Variants in ZMYM1 observed in about 807,000 individuals in gnomAD.
ZMYM1 encodes zinc finger MYM-type containing 1.
ZMYM1 carries 39 observed loss-of-function variants against 60.0 expected under a neutral mutation model. That is an observed-to-expected ratio of 0.65 (90% CI 0.50 to 0.85). ZMYM1 has a LOEUF of 0.85. Among genes scored for constraint, ZMYM1 ranks in the 40% least tolerant of loss-of-function variants. The pLI, the probability that ZMYM1 is intolerant of heterozygous loss-of-function variation, is 0.00. For missense variants in ZMYM1, 1,171 were observed against 1,309.5 expected (o/e 0.89, Z 1.63); for synonymous variants, 413 against 454.0 (o/e 0.91, Z 1.15).
At chr1:35,066,821 G>C (rs775586759) in intron 1 of ZMYM1, among the ~76,000 whole-genome samples, 2 of 152,006 alleles carry the variant, frequency 1.3e-5, no homozygotes, top group Non-Finnish European at 2.9e-5. Flanking sequence ...TTCAAGGCCA[G>C]CCTGGGCAAC....
rs1275223803 is a variant in ZMYM1 at position 35,115,155 on chromosome 1, C to A, written c.3325C>A (p.Pro1109Thr). Residue 1109 changes from proline to threonine, a missense_variant, in exon 10 of 10, where the codon CCA (proline) becomes ACA (threonine). Pro to Thr is a conservative substitution (Grantham distance 38). Transcript: ENST00000359858. ...NTMGQEKLTG[P>T]ALMAVEQELV... ...CATGGGACAAGAGAAGCTTACTGGC[C>A]CAGCCCTAATGGCTGTTGAGCAGGA... 6.2e-7 allele frequency: 1 copy of A among 1,614,012 alleles called. No individual in the cohort carries two copies. The highest frequency in any genetic ancestry group is 8.5e-7 in the Non-Finnish European group (1 of 1,179,962).
chr1:35,094,621 A>G (rs1643210552), intron 2 of ZMYM1, among the ~76,000 whole-genome samples: 1 of 152,186 alleles, frequency 6.6e-6, no homozygotes, highest in African/African-American at 2.4e-5. Context: ...TTGGGAGGCC[A>G]AGGTGGGAGG....
At chr1:35,066,384 G>A (rs1641972450) in intron 1 of ZMYM1, among the ~76,000 whole-genome samples, 1 of 152,164 alleles carries the variant, frequency 6.6e-6, no homozygotes, top group South Asian at 2.1e-4. Flanking sequence ...TTTTAGTAGA[G>A]ATGGGGTTTC....
intron 3 of ZMYM1, among the ~76,000 whole-genome samples, chr1:35,096,843 G>A (rs768900490): frequency 6.6e-6 from 1 of 152,156 alleles, no homozygotes; most frequent in African/African-American, 2.4e-5. Context: ...GGGACTACAG[G>A]CATGTGTCAC....
At chr1:35,070,975 CT>C (rs1642057066) in intron 1 of ZMYM1, among the ~76,000 whole-genome samples, 1 of 152,118 alleles carries the variant, frequency 6.6e-6, no homozygotes, top group Admixed American at 6.5e-5. Context: ...ACCTCCACCT[CT>C]CAGGTTGAAG....
intron 1 of ZMYM1, among the ~76,000 whole-genome samples, chr1:35,080,695 C>G (rs1475437063): frequency 6.6e-6 from 1 of 151,936 alleles, no homozygotes; most frequent in Non-Finnish European, 1.5e-5. Context: ...AAACCCAGCT[C>G]AAATTTCACC....
rs777210640 is a variant in ZMYM1 at position 35,114,730 on chromosome 1, T to C, written c.2900T>C (p.Ile967Thr). The part of the protein sequence containing the change: ...TSTEEQYKIN[I>T]YYQGLDTILQ... ...ACAGAAGAACAATATAAAATTAATATCTATTACCAAGGATTAGATACTATA... is the reference window on the plus strand; with the variant it reads ...ACAGAAGAACAATATAAAATTAATACCTATTACCAAGGATTAGATACTATA... The change falls in exon 10 of 10, where the codon ATC becomes ACC. Residue 967 changes from isoleucine (I) to threonine (T), a missense_variant. By Grantham distance (89) the Ile-to-Thr change is moderately conservative (BLOSUM62 -1). Coordinates refer to ENST00000359858, the MANE Select transcript of ZMYM1 (RefSeq NM_024772.5). The C allele has an allele frequency of 1.3e-6, 2 of 1,574,684 alleles. No homozygotes were observed. Among genetic ancestry groups the C allele is most frequent in the Non-Finnish European group, 1.7e-6 (2 of 1,161,082 alleles).
In ZMYM1 at chr1:35,104,693, G is replaced by C. The variant is rs1228593752; in HGVS notation, c.731G>C (p.Ser244Thr). Residue 244 changes from serine to threonine, a missense_variant, in exon 6 of 10, where the codon AGT (serine) becomes ACT (threonine). Ser to Thr is a moderately conservative substitution (Grantham distance 58). Transcript: ENST00000359858. ...NCGTYCYTSS[S>T]LSHILQMEGQ... is the part of the protein sequence containing the mutation. ...GGCACTTACTGTTACACCAGCTCTA[G>C]TCTGTCCCACATACTTCAGATGGAA... is the stretch of plus-strand genomic sequence containing the variant. The C allele has an allele frequency of 6.2e-7, 1 of 1,614,182 alleles. No individual in the cohort carries two copies. Among genetic ancestry groups the C allele is most frequent in the Non-Finnish European group, 8.5e-7 (1 of 1,180,032 alleles).
chr1:35,076,565 G>A (rs1048704796), upstream of ZMYM1, among the ~76,000 whole-genome samples: 1 of 152,012 alleles, frequency 6.6e-6, no homozygotes, highest in Admixed American at 6.6e-5. Flanking sequence ...AGGTTGCGGT[G>A]AGCCAAGATT....
rs1017567995 is a variant in ZMYM1 at position 35,113,150 on chromosome 1, A to G, written c.1320A>G (p.Pro440=). 4.3e-6 allele frequency: 7 copies of G among 1,613,806 alleles called. No homozygotes were observed. Among genetic ancestry groups the G allele is most frequent in the Admixed American group, 1.7e-5 (1 of 59,964 alleles). ...SMKISDELCH[P]KCTSKVQKVK... Reference sequence around the variant, plus strand: ...AAATAAGTGATGAACTATGTCACCCAAAATGTACATCCAAAGTACAAAAAG... The same window carrying G: ...AAATAAGTGATGAACTATGTCACCCGAAATGTACATCCAAAGTACAAAAAG... The change falls in exon 10 of 10, where the codon CCA becomes CCG. Residue 440 remains proline, a synonymous_variant. Coordinates refer to ENST00000359858, the MANE Select transcript of ZMYM1 (RefSeq NM_024772.5).
At chr1:35,080,314 C>CTTTTT (rs35214559) in intron 1 of ZMYM1, among the ~76,000 whole-genome samples, 45 of 125,512 alleles carry the variant, frequency 3.6e-4, no homozygotes, top group African/African-American at 1.4e-3. Flanking sequence ...ATTTGTGCTT[C>CTTTTT]TTTTTTTTTT....
intron 6 of ZMYM1, among the ~76,000 whole-genome samples, chr1:35,105,119 TTTC>T: frequency 1.3e-5 from 2 of 149,090 alleles, no homozygotes; most frequent in African/African-American, 5.0e-5. Context: ...ATTTATTTTA[TTTC>T]TTTCTTTTTT....
In ZMYM1 at chr1:35,097,370, A is replaced by G. The variant is rs778400495; in HGVS notation, c.223A>G (p.Lys75Glu). Residue 75 changes from lysine (K) to glutamate (E), a missense_variant, in exon 4 of 10, where the codon AAA (lysine) becomes GAA (glutamate). Physicochemically the swap from Lys to Glu is moderately conservative, Grantham distance 56. Transcript: ENST00000359858. ...TTCTCTGGCATCATCTGGCGTGAATAAAATGCTTCCTTCAGTTTCAACCAC... is the reference window on the plus strand; with the variant it reads ...TTCTCTGGCATCATCTGGCGTGAATGAAATGCTTCCTTCAGTTTCAACCAC... ...QLSLASSGVN[K>E]MLPSVSTTAI... 1 of 1,614,018 alleles carries G rather than the reference A, an allele frequency of 6.2e-7. No homozygotes were observed. Among genetic ancestry groups the G allele is most frequent in the South Asian group, 1.1e-5 (1 of 91,042 alleles).
At chr1:35,116,925 G>A (rs572051642), downstream of ZMYM1, among the ~76,000 whole-genome samples, 1 of 120,610 alleles carries the variant, frequency 8.3e-6, no homozygotes, top group African/African-American at 3.1e-5. Flanking sequence ...CTCACTGCAA[G>A]CTCCGCCTTC....
upstream of ZMYM1, among the ~76,000 whole-genome samples, chr1:35,076,100 C>T (rs1205968317): frequency 6.6e-6 from 1 of 152,206 alleles, no homozygotes; most frequent in Non-Finnish European, 1.5e-5. Context: ...CATTCACAAC[C>T]TCTTCCACAC....
intron 1 of ZMYM1, among the ~76,000 whole-genome samples, chr1:35,067,419 C>A (rs953213181): frequency 6.6e-6 from 1 of 152,142 alleles, no homozygotes; most frequent in East Asian, 1.9e-4. Context: ...TCCCAAGTAG[C>A]TGGGACTACA....
At chr1:35,097,258 A>G in intron 3 of ZMYM1, 59 bp from the exon 4 acceptor site, 3 of 1,511,376 alleles carry the variant, frequency 2.0e-6, no homozygotes, top group African/African-American at 1.4e-5. Flanking sequence ...AAATAAAGGA[A>G]TGCCTACTTA....
At chr1:35,087,074 C>T (rs1351593615) in intron 1 of ZMYM1, among the ~76,000 whole-genome samples, 2 of 148,168 alleles carry the variant, frequency 1.3e-5, no homozygotes, top group Non-Finnish European at 1.5e-5. Context: ...CTCACAGCAG[C>T]CTCCATCTCC....
At chr1:35,075,576 A>G (rs1642152433), upstream of ZMYM1, among the ~76,000 whole-genome samples, 1 of 152,192 alleles carries the variant, frequency 6.6e-6, no homozygotes, top group African/African-American at 2.4e-5. Flanking sequence ...CCCACCTAGA[A>G]GAGTTGTAGA....
Sources: gnomAD v4.1 joint callset for allele counts (sites outside exome capture counted in the v4.1 genomes callset) on GRCh38, gnomAD v4.1.1 for gene constraint, MANE v1.5 for transcripts, NCBI Gene and HGNC (gene_info 2026-07-23, HGNC 2026-07-21) for gene names.